DLG2: variants seen among roughly 807,000 people sequenced by gnomAD.
DLG2 encodes the protein disks large homolog 2.
DLG2 carries 45 observed loss-of-function variants against 132.5 expected under a neutral mutation model. The observed-to-expected ratio is 0.34, with a 90% CI of 0.27 to 0.44. DLG2 has a LOEUF of 0.44. Ranked by LOEUF, DLG2 falls within the 20% of genes least tolerant of loss-of-function variation. The pLI, the probability that DLG2 is intolerant of heterozygous loss-of-function variation, is 1.00. For synonymous variants in DLG2, 424 were observed against 419.6 expected, an observed-to-expected ratio of 1.01 and a Z score of -0.13; for missense variants, 1,045 against 1,196.9, an observed-to-expected ratio of 0.87 and a Z score of 1.87.
At chr11:84,510,609 C>A (rs2099254502) in intron 7 of DLG2, among the ~76,000 whole-genome samples, 1 of 151,880 alleles carries the variant, frequency 6.6e-6, no homozygotes, top group Non-Finnish European at 1.5e-5. Flanking sequence ...GGAATAGTAT[C>A]CAAATGTATG....
At chr11:83,866,166 AG>A (rs2062328064) in intron 16 of DLG2, among the ~76,000 whole-genome samples, 1 of 152,096 alleles carries the variant, frequency 6.6e-6, no homozygotes, top group African/African-American at 2.4e-5. Context: ...CCCCAGACTG[AG>A]GACAGAGTCA....
chr11:84,181,974 G>A (rs1177614086), intron 8 of DLG2, among the ~76,000 whole-genome samples: 1 of 149,528 alleles, frequency 6.7e-6, no homozygotes, highest in African/African-American at 2.4e-5. Flanking sequence ...GGGCCTAGCA[G>A]GCACAAAATC....
intron 6 of DLG2, among the ~76,000 whole-genome samples, chr11:84,807,707 T>G (rs1282950130): frequency 1.3e-5 from 2 of 152,128 alleles, no homozygotes; most frequent in Admixed American, 6.5e-5. Context: ...AATTATCTAT[T>G]GTAATACCAG....
chr11:84,718,327 T>C (rs1198013801), intron 6 of DLG2, among the ~76,000 whole-genome samples: 2 of 152,228 alleles, frequency 1.3e-5, no homozygotes, highest in African/African-American at 4.8e-5. Flanking sequence ...TTTCACTCTA[T>C]TGACATGAAT....
intron 8 of DLG2, among the ~76,000 whole-genome samples, chr11:84,240,563 G>C (rs971895349): frequency 6.6e-6 from 1 of 152,126 alleles, no homozygotes; most frequent in African/African-American, 2.4e-5. Flanking sequence ...AAATACTATG[G>C]AATCAAGGAG....
chr11:83,687,640 TTTTG>T (rs1227350084), intron 18 of DLG2, among the ~76,000 whole-genome samples: 2 of 152,228 alleles, frequency 1.3e-5, no homozygotes, highest in African/African-American at 4.8e-5. Context: ...TAAATTTTTA[TTTTG>T]TTTTTTAATG....
At chr11:84,730,639 C>A (rs912104492) in intron 6 of DLG2, among the ~76,000 whole-genome samples, 1 of 151,998 alleles carries the variant, frequency 6.6e-6, no homozygotes, top group African/African-American at 2.4e-5. Context: ...GAACATGGCT[C>A]ATTTTAAATG....
chr11:84,143,846 T>C (rs1228225223), intron 9 of DLG2, among the ~76,000 whole-genome samples: 1 of 152,158 alleles, frequency 6.6e-6, no homozygotes, highest in Non-Finnish European at 1.5e-5. Context: ...TGTAAAGATT[T>C]CCCTGCTTTT....
Position 84,402,003 on chromosome 11 carries a change from C to T in DLG2, c.519+132567G>A, listed in dbSNP as rs1472424850. ...GTACTTTTCTAAGGAGTAACCTATA[C>T]ATTTTGAAAATTATGTTTTTAATGT... On this transcript the variant is annotated intron_variant, in intron 7 of 27. Coordinates refer to ENST00000376104, the MANE Select transcript of DLG2 (RefSeq NM_001142699.3). 2.6e-5 allele frequency among the ~76,000 whole-genome samples: 4 copies of T among 152,312 alleles called. No individual in the cohort carries two copies. In the East Asian group the frequency reaches 7.7e-4, roughly 29 times the overall value.
rs57674131 is a variant in DLG2, at chr11:83,600,236, GGTGTGTGT to G, written c.1940+32967_1940+32974del. Among the ~76,000 whole-genome samples, 5 of 145,512 alleles carry G rather than the reference GGTGTGTGT, an allele frequency of 3.4e-5. 1 individual carries two copies. The highest frequency in any genetic ancestry group is 2.2e-4 in the South Asian group (1 of 4,476). On this transcript the variant is annotated intron_variant, in intron 19 of 27. Transcript: ENST00000376104. ...GATGAGTTCACACAGCTAGCTATAG[GGTGTGTGT>G]GTGTGTGTGTGTGTGTGTGTGTGTA...
intron 6 of DLG2, among the ~76,000 whole-genome samples, chr11:84,880,149 G>C (rs2087062416): frequency 6.6e-6 from 1 of 152,102 alleles, no homozygotes; most frequent in East Asian, 1.9e-4. Flanking sequence ...ACCAGACAGA[G>C]AGATCAAATA....
At chr11:83,471,449 G>A (rs2092012465) in intron 24 of DLG2, among the ~76,000 whole-genome samples, 177 bp downstream of exon 24, 1 of 152,026 alleles carries the variant, frequency 6.6e-6, no homozygotes, top group South Asian at 2.1e-4. Flanking sequence ...AATGACACAC[G>A]GCAGCATAAA....
intron 11 of DLG2, among the ~76,000 whole-genome samples, chr11:84,035,985 A>G (rs12286025): frequency 0.086 from 13,081 of 152,194 alleles, 653 homozygotes; most frequent in African/African-American, 0.13. Context: ...TGGAAAATAA[A>G]ATTAAGAGTT....
chr11:83,463,288 A>G (rs1347194402), intron 26 of DLG2, among the ~76,000 whole-genome samples: 1 of 152,072 alleles, frequency 6.6e-6, no homozygotes, highest in African/African-American at 2.4e-5. Flanking sequence ...GACATTAGAC[A>G]TTAATGGCTG....
intron 18 of DLG2, 48 bp from the exon 19 acceptor site, chr11:83,633,373 G>A: frequency 6.6e-7 from 1 of 1,516,240 alleles, no homozygotes; most frequent in Non-Finnish European, 9.1e-7. Flanking sequence ...GCCCTCAAGA[G>A]TTGGAAATGC....
chr11:85,151,562 T>C (rs2077253724), intron 5 of DLG2, among the ~76,000 whole-genome samples: 1 of 152,218 alleles, frequency 6.6e-6, no homozygotes, highest in Non-Finnish European at 1.5e-5. Context: ...AGTTAATTTT[T>C]GTATATGGTA....
At chr11:84,466,903 G>T (rs2099095906) in intron 7 of DLG2, among the ~76,000 whole-genome samples, 1 of 151,254 alleles carries the variant, frequency 6.6e-6, no homozygotes, top group Admixed American at 6.6e-5. Context: ...GTAACAGAAA[G>T]GAGTCACAAA....
chr11:85,591,465 G>T (rs995882052), intron 3 of DLG2, among the ~76,000 whole-genome samples: 2 of 152,168 alleles, frequency 1.3e-5, no homozygotes, highest in Non-Finnish European at 2.9e-5. Flanking sequence ...TGTCGACCAG[G>T]TGTGGTGGCT....
chr11:84,759,048 T>G (rs549134640), intron 6 of DLG2, among the ~76,000 whole-genome samples: 1 of 152,216 alleles, frequency 6.6e-6, no homozygotes, highest in Middle Eastern at 3.4e-3. Context: ...TGGCTAATTT[T>G]TGTATTTTTA....
Sources: allele counts gnomAD v4.1 joint callset (sites outside exome capture counted in the v4.1 genomes callset), GRCh38; gene constraint gnomAD v4.1.1; transcripts MANE v1.5; gene names NCBI Gene and HGNC (gene_info 2026-07-23, HGNC 2026-07-21).